ATAD2: variants seen among roughly 807,000 people sequenced by gnomAD.
ATAD2 encodes ATPase family AAA domain-containing protein 2.
Under a neutral mutation model 168.9 loss-of-function variants are expected in ATAD2, and 62 were observed. The ratio of observed to expected loss-of-function variants is 0.37; its 90% confidence interval spans 0.30 to 0.45. ATAD2 has a LOEUF of 0.45. Ranked by LOEUF, ATAD2 falls within the 20% of genes least tolerant of loss-of-function variation. The pLI is 1.00. For synonymous variants in ATAD2, 613 were observed against 571.6 expected, an observed-to-expected ratio of 1.07 and a Z score of -1.03; for missense variants, 1,419 against 1,667.8, an observed-to-expected ratio of 0.85 and a Z score of 2.60.
chr8:123,352,430 T>C (rs1233182793), intron 13 of ATAD2: 1 of 153,366 alleles, frequency 6.5e-6, no homozygotes, highest in African/African-American at 2.4e-5. Flanking sequence ...TAGCTCTACA[T>C]TTTGGCTTGG....
At chr8:123,415,320 G>A (rs546210679) in intron 1 of ATAD2, among the ~76,000 whole-genome samples, 2 of 152,344 alleles carry the variant, frequency 1.3e-5, no homozygotes, top group South Asian at 4.1e-4. Context: ...CTATGTGGAA[G>A]TTTGTATTAG....
At chr8:123,341,912 C>A (rs1429904124) in intron 19 of ATAD2, among the ~76,000 whole-genome samples, 4 of 152,110 alleles carry the variant, frequency 2.6e-5, no homozygotes, top group Non-Finnish European at 5.9e-5. Context: ...CATGGTGAAA[C>A]CCCATCTCTA....
At chr8:123,326,222 T>G (rs1000513598) in intron 25 of ATAD2, among the ~76,000 whole-genome samples, 196 bp from the exon 26 acceptor site, 1 of 152,190 alleles carries the variant, frequency 6.6e-6, no homozygotes, top group Non-Finnish European at 1.5e-5. Context: ...GTTTGAGAAG[T>G]ATGTTTCATA....
chr8:123,328,280 C>A lies in ATAD2; in HGVS notation c.3778G>T (p.Ala1260Ser). The A allele has an allele frequency of 6.3e-7, 1 of 1,590,482 alleles. No individual in the cohort carries two copies. The highest frequency in any genetic ancestry group is 8.5e-7 in the Non-Finnish European group (1 of 1,170,698). ...ATCTTGTCTCTCAATTCTGTACATG[C>A]TGTAGTCTTCCTAGAGTCTTCAAGC... is the stretch of plus-strand genomic sequence containing the variant. ...NELEDSRKTT[A>S]CTELRDKIAC... Residue 1260 changes from alanine (A) to serine (S), a missense_variant, in exon 25 of 28, where the codon GCA becomes TCA. By Grantham distance (99) the Ala-to-Ser change is moderately conservative. Coordinates refer to ENST00000287394, the MANE Select transcript of ATAD2 (RefSeq NM_014109.4).
intron 8 of ATAD2, among the ~76,000 whole-genome samples, chr8:123,362,432 A>C: frequency 6.8e-6 from 1 of 147,984 alleles, no homozygotes; most frequent in African/African-American, 2.5e-5. Flanking sequence ...TTTTTTTGAG[A>C]CTTCGTCTCG....
At chr8:123,408,769 G>A (rs774483856) in intron 1 of ATAD2, among the ~76,000 whole-genome samples, 1 of 149,978 alleles carries the variant, frequency 6.7e-6, no homozygotes, top group Admixed American at 6.6e-5. Flanking sequence ...CACTCGCCTC[G>A]GCCTCCCAAA....
chr8:123,328,628 T>C (rs1827681521), intron 24 of ATAD2, 49 bp from the exon 25 acceptor site: 4 of 1,485,308 alleles, frequency 2.7e-6, no homozygotes, highest in African/African-American at 1.4e-5. Flanking sequence ...AACCATTTTC[T>C]GAAATTCAAA....
At chr8:123,327,076 T>C (rs1282709579) in intron 25 of ATAD2, among the ~76,000 whole-genome samples, 1 of 151,972 alleles carries the variant, frequency 6.6e-6, no homozygotes, top group Admixed American at 6.6e-5. Context: ...GCCCAGCTAA[T>C]TTTTGTATTT....
intron 1 of ATAD2, among the ~76,000 whole-genome samples, chr8:123,410,896 A>G (rs1180063219): frequency 6.6e-6 from 1 of 152,184 alleles, no homozygotes; most frequent in Non-Finnish European, 1.5e-5. Context: ...AAGGCTTGCC[A>G]TTGTTCCTGC....
At chr8:123,389,984 ATT>A (rs577381945) in intron 1 of ATAD2, among the ~76,000 whole-genome samples, 18,068 of 114,566 alleles carry the variant, frequency 0.16, 1,816 homozygotes, top group Non-Finnish European at 0.19. Context: ...ATATATATAT[ATT>A]TTTTTTTTTT....
rs1827507785 is a variant in ATAD2, at chr8:123,322,818, CT to C, written c.4131+119del. 3.8e-6 allele frequency: 4 copies of C among 1,050,270 alleles called. No individual in the cohort carries two copies. The African/African-American group carries it at 4.9e-5, about 13-fold the overall frequency. The allele number at this position is 1,050,270 out of a possible 1,614,324, so 65.1% of individuals were successfully genotyped here. A position where few individuals can be genotyped will look rare whatever the true frequency, so the allele number is the denominator to read the frequency against. On this transcript the variant is annotated intron_variant, in intron 27 of 27. Transcript: ENST00000287394. ...TCAACTTTGGAAATAGAAAGATGGTCTTTAAGTTCCTACAATCAGTTTCTTA... is the reference window on the plus strand; with the variant it reads ...TCAACTTTGGAAATAGAAAGATGGTCTTAAGTTCCTACAATCAGTTTCTTA...
chr8:123,344,098 C>CAGT (rs1031731950), intron 19 of ATAD2, among the ~76,000 whole-genome samples: 1 of 152,022 alleles, frequency 6.6e-6, no homozygotes, highest in African/African-American at 2.4e-5. Context: ...ATCCACATAC[C>CAGT]AGTGCTCATA....
chr8:123,403,092 G>A (rs532866381), intron 1 of ATAD2, among the ~76,000 whole-genome samples: 1 of 152,208 alleles, frequency 6.6e-6, no homozygotes, highest in South Asian at 2.1e-4. Context: ...ATAGAGAGGG[G>A]TTTTGTTGTT....
rs951850625 is a variant in ATAD2, at chr8:123,320,132, T to C, written c.*1002A>G. 1 of 152,176 alleles carries C rather than the reference T, an allele frequency of 6.6e-6. No homozygotes were observed. Among genetic ancestry groups the C allele is most frequent in the Non-Finnish European group, 1.5e-5 (1 of 68,014 alleles). The allele number at this position is 152,176 out of a possible 1,614,324, so 9.4% of individuals were successfully genotyped here. On this transcript the variant is annotated 3_prime_UTR_variant, in exon 28 of 28. Coordinates refer to ENST00000287394, the MANE Select transcript of ATAD2 (RefSeq NM_014109.4). Reference sequence around the variant, plus strand: ...CAACAACAAAAATACAGCTCAACTTTGAACTGCATTAAAATCCAGAATCTC... The same window carrying C: ...CAACAACAAAAATACAGCTCAACTTCGAACTGCATTAAAATCCAGAATCTC...
At chr8:123,371,052 G>T (rs77785267) in intron 5 of ATAD2, 62 bp from the exon 6 acceptor site, 1 of 1,312,160 alleles carries the variant, frequency 7.6e-7, no homozygotes, top group Non-Finnish European at 1.0e-6. Context: ...AAATTAAGTT[G>T]GATCCTCCAA....
In ATAD2 at chr8:123,329,981, C is replaced by CTTTTTTTTTTTTTTTTTT. The variant is rs71310666; in HGVS notation, c.3479-1420_3479-1403dup. 2.4e-4 allele frequency among the ~76,000 whole-genome samples: 24 copies of CTTTTTTTTTTTTTTTTTT among 100,322 alleles called. 1 individual carries two copies. Among genetic ancestry groups the CTTTTTTTTTTTTTTTTTT allele is most frequent in the African/African-American group, 8.7e-4 (24 of 27,604 alleles). The allele number at this position is 100,322 out of a possible 152,430, so 65.8% of individuals were successfully genotyped here. ...AGATTACCTTTCTCCCCAGTGGCTT[C>CTTTTTTTTTTTTTTTTTT]TTTTTTTTTTTTTTTTTTTTTTTTG... On this transcript the variant is annotated intron_variant, in intron 24 of 27. Transcript: ENST00000287394.
At chr8:123,325,107 T>C (rs1244398436) in intron 26 of ATAD2, among the ~76,000 whole-genome samples, 1 of 146,800 alleles carries the variant, frequency 6.8e-6, no homozygotes, top group East Asian at 2.0e-4. Flanking sequence ...TTCTTTTTTT[T>C]TTTTTTTTTT....
At chr8:123,401,093 CCCT>C, upstream of ATAD2, 3 of 1,536,648 alleles carry the variant, frequency 2.0e-6, no homozygotes, top group South Asian at 1.1e-5. Context: ...GACCACACCA[CCCT>C]CCTCAGTGAG....
In ATAD2 at chr8:123,347,378, T is replaced by C. The variant is rs1160355396; in HGVS notation, c.1926A>G (p.Ile642Met). 2.5e-6 allele frequency: 4 copies of C among 1,613,094 alleles called. No individual in the cohort carries two copies. The highest frequency in any genetic ancestry group is 1.1e-5 in the South Asian group (1 of 91,012). Residue 642 changes from isoleucine to methionine, a missense_variant, in exon 16 of 28, where the codon ATA (isoleucine) becomes ATG (methionine). Ile to Met is a conservative substitution (Grantham distance 10). Transcript: ENST00000287394. Reference sequence around the variant, plus strand: ...AAGCACATAAAGCAGCTTCAGCACATATTGATTTAATATCTGCTCCACAGT... The same window carrying C: ...AAGCACATAAAGCAGCTTCAGCACACATTGATTTAATATCTGCTCCACAGT... ...VGYCGADIKS[I>M]CAEAALCALR...
Sources: gnomAD v4.1 joint callset for allele counts (sites outside exome capture counted in the v4.1 genomes callset) on GRCh38, gnomAD v4.1.1 for gene constraint, MANE v1.5 for transcripts, NCBI Gene and HGNC (gene_info 2026-07-23, HGNC 2026-07-21) for gene names.